The following SPIRE1 variants were observed in gnomAD, a reference collection of about 807,000 sequenced individuals.
SPIRE1 encodes spire type actin nucleation factor 1.
A neutral mutation model predicts 94.1 loss-of-function variants in SPIRE1; 40 were observed. The observed-to-expected ratio is 0.43, with a 90% CI of 0.33 to 0.55. The LOEUF (loss-of-function observed/expected upper bound fraction) is 0.55. Among genes scored for constraint, SPIRE1 ranks in the 20% least tolerant of loss-of-function variants. SPIRE1 has a pLI of 0.06. For missense variants in SPIRE1, 838 were observed against 975.2 expected, an observed-to-expected ratio of 0.86 and a Z score of 1.87; for synonymous variants, 376 against 371.7, an observed-to-expected ratio of 1.01 and a Z score of -0.13.
chr18:12,595,669 A>G (rs2036651380), intron 2 of SPIRE1, among the ~76,000 whole-genome samples: 1 of 152,226 alleles, frequency 6.6e-6, no homozygotes, highest in Non-Finnish European at 1.5e-5. Flanking sequence ...TCAGGCACCA[A>G]AATATAGATA....
chr18:12,454,231 C>G (rs116984958), intron 13 of SPIRE1, 115 bp downstream of exon 13: 1 of 1,230,408 alleles, frequency 8.1e-7, no homozygotes, highest in Non-Finnish European at 1.2e-6. Context: ...CATCACACAT[C>G]CCAAATCCCC....
chr18:12,540,147 A>C (rs1417105261), intron 3 of SPIRE1, among the ~76,000 whole-genome samples: 2 of 152,014 alleles, frequency 1.3e-5, no homozygotes, highest in Non-Finnish European at 2.9e-5. Context: ...CTTAAAACCC[A>C]AACTCTTCAG....
intron 4 of SPIRE1, among the ~76,000 whole-genome samples, chr18:12,520,802 T>C (rs2034335288): frequency 6.6e-6 from 1 of 152,118 alleles, no homozygotes; most frequent in East Asian, 1.9e-4. Context: ...TGGCATGAGG[T>C]GAGGAATAGG....
Position 12,657,847 on chromosome 18 carries a change from G to A in SPIRE1, c.20C>T (p.Pro7Leu), listed in dbSNP as rs1373897970. 6 of 1,112,778 alleles carry A rather than the reference G, an allele frequency of 5.4e-6. No individual in the cohort carries two copies. The highest frequency in any genetic ancestry group is 1.7e-5 in the African/African-American group (1 of 59,848). The allele number at this position is 1,112,778 out of a possible 1,614,324, so 68.9% of individuals were successfully genotyped here. The change falls in exon 1 of 17, where the codon CCG (proline) becomes CTG (leucine). Residue 7 changes from proline (P) to leucine (L), a missense_variant. By Grantham distance (98) the Pro-to-Leu change is moderately conservative. Around this residue, in one of 2 missense-constraint regions of SPIRE1, gnomAD observed 193 missense variants for 170.5 expected, o/e 1.13. Transcript: ENST00000409402. Reference protein sequence around the residue: MAQAAGPAGGGEPRTEA... With the variant: MAQAAGLAGGGEPRTEA... ...AGTCCGCGGCTCCCCGCCGCCCGCC[G>A]GGCCAGCCGCCTGAGCCATCCCGCG...
chr18:12,607,435 GC>G (rs766100951), intron 2 of SPIRE1, among the ~76,000 whole-genome samples: 21 of 152,148 alleles, frequency 1.4e-4, no homozygotes, highest in Non-Finnish European at 2.5e-4. Context: ...CATTGAATGA[GC>G]TTGGTTCTAT....
At chr18:12,648,882 C>G in intron 1 of SPIRE1, among the ~76,000 whole-genome samples, 1 of 83,048 alleles carries the variant, frequency 1.2e-5, no homozygotes. Flanking sequence ...AAGAGCGAAA[C>G]TCCGTCTCAA....
rs1484095870 is a variant in SPIRE1, at chr18:12,449,893, G to A, written c.2016C>T (p.Phe672=). 6.2e-7 allele frequency: 1 copy of A among 1,613,052 alleles called. No homozygotes were observed. Among genetic ancestry groups the A allele is most frequent in the Non-Finnish European group, 8.5e-7 (1 of 1,179,428 alleles). ...HHRPLRSIAR[F]SSKSKSMDKS... ...TGTCCATAGACTTAGATTTTGAGGA[G>A]AACCTGGGGTGAAAACAAAACAGAA... The change falls in exon 17 of 17, where the codon TTC becomes TTT. Residue 672 remains phenylalanine (F), a synonymous_variant. Coordinates refer to ENST00000409402, the MANE Select transcript of SPIRE1 (RefSeq NM_001128626.2).
chr18:12,607,596 TACACACACACACACACAC>T (rs34187168), intron 2 of SPIRE1, among the ~76,000 whole-genome samples: 26 of 146,224 alleles, frequency 1.8e-4, no homozygotes, highest in African/African-American at 5.7e-4. Flanking sequence ...TCCACAGCAC[TACACACACACACACACAC>T]ACACACACAC....
intron 2 of SPIRE1, among the ~76,000 whole-genome samples, chr18:12,612,730 TCTAA>T (rs1428879096): frequency 6.6e-6 from 1 of 152,204 alleles, no homozygotes; most frequent in Non-Finnish European, 1.5e-5. Context: ...CTCACCTGCC[TCTAA>T]CTGAGATGAC....
chr18:12,531,946 GT>G (rs1825095307), intron 4 of SPIRE1, among the ~76,000 whole-genome samples: 1 of 152,194 alleles, frequency 6.6e-6, no homozygotes, highest in African/African-American at 2.4e-5. Flanking sequence ...GCAGGGCAGG[GT>G]GGCTCTTCTT....
intron 2 of SPIRE1, among the ~76,000 whole-genome samples, chr18:12,562,562 T>C (rs902600072): frequency 1.3e-5 from 2 of 150,722 alleles, no homozygotes; most frequent in Admixed American, 6.7e-5. Flanking sequence ...TACATAAACA[T>C]GTACGATGGT....
At chr18:12,592,988 C>T (rs1418494283) in intron 2 of SPIRE1, among the ~76,000 whole-genome samples, 1 of 152,260 alleles carries the variant, frequency 6.6e-6, no homozygotes, top group Non-Finnish European at 1.5e-5. Context: ...CAAGCCACCA[C>T]ACCTAGCTAA....
At chr18:12,472,679 G>A (rs555492153) in intron 10 of SPIRE1, among the ~76,000 whole-genome samples, 424 of 143,618 alleles carry the variant, frequency 3.0e-3, no homozygotes, top group Non-Finnish European at 5.1e-3. Context: ...TTTTTTTTGC[G>A]GGGGGGGACT....
At chr18:12,492,392 G>A (rs1156239493) in intron 8 of SPIRE1, among the ~76,000 whole-genome samples, 1 of 152,142 alleles carries the variant, frequency 6.6e-6, no homozygotes, top group Non-Finnish European at 1.5e-5. Context: ...AATGTTTACA[G>A]ACATCTTATA....
At chr18:12,467,393 T>C (rs1014956946) in intron 10 of SPIRE1, among the ~76,000 whole-genome samples, 8 of 152,196 alleles carry the variant, frequency 5.3e-5, no homozygotes, top group African/African-American at 1.9e-4. Context: ...CCAGATACGA[T>C]GTAGGTCAGT....
At chr18:12,656,267 T>C (rs2144916172) in intron 1 of SPIRE1, among the ~76,000 whole-genome samples, 1 of 152,162 alleles carries the variant, frequency 6.6e-6, no homozygotes, top group East Asian at 1.9e-4. Context: ...ATTGCAAGTA[T>C]TTCCCACTAA....
intron 2 of SPIRE1, among the ~76,000 whole-genome samples, chr18:12,589,023 G>A (rs1171352530): frequency 6.6e-6 from 1 of 152,092 alleles, no homozygotes; most frequent in African/African-American, 2.4e-5. Context: ...TACATACAGA[G>A]ATAGAAAGAA....
chr18:12,624,622 T>G (rs566609869), intron 2 of SPIRE1, among the ~76,000 whole-genome samples: 1 of 147,206 alleles, frequency 6.8e-6, no homozygotes, highest in African/African-American at 2.5e-5. Context: ...GTAAATATGG[T>G]AAACTCTTTT....
chr18:12,646,090 G>C (rs2038216792), intron 1 of SPIRE1, among the ~76,000 whole-genome samples: 1 of 152,116 alleles, frequency 6.6e-6, no homozygotes, highest in Non-Finnish European at 1.5e-5. Flanking sequence ...TGGGGAAGTG[G>C]GTGGCAGCAC....
Sources: gnomAD v4.1 joint callset for allele counts (sites outside exome capture counted in the v4.1 genomes callset) on GRCh38, gnomAD v4.1.1 for gene constraint, gnomAD v4.1.1 regional missense constraint, MANE v1.5 for transcripts, NCBI Gene and HGNC (gene_info 2026-07-23, HGNC 2026-07-21) for gene names.